SF3A3: variants seen among roughly 807,000 people sequenced by gnomAD.
The protein encoded by SF3A3 is splicing factor 3a subunit 3, also known as SAP 61.
A neutral mutation model predicts 85.8 loss-of-function variants in SF3A3; 9 were observed. The observed-to-expected ratio is 0.10, with a 90% CI of 0.06 to 0.18. The LOEUF (loss-of-function observed/expected upper bound fraction) is 0.18, where lower values mean the gene tolerates loss of function less well. Ranked by LOEUF, SF3A3 falls within the 10% of genes least tolerant of loss-of-function variation. The pLI, the probability that SF3A3 is intolerant of heterozygous loss-of-function variation, is 1.00. For missense variants in SF3A3, 306 were observed against 593.3 expected (o/e 0.52, Z 5.03); for synonymous variants, 195 against 204.4 (o/e 0.95, Z 0.39).
chr1:37,966,236 TAAATTA>T (rs1166445668), intron 15 of SF3A3, among the ~76,000 whole-genome samples: 2 of 125,332 alleles, frequency 1.6e-5, no homozygotes, highest in African/African-American at 5.3e-5. Context: ...TTAATTAAAT[TAAATTA>T]AAAAAAAAGA....
intron 4 of SF3A3, among the ~76,000 whole-genome samples, chr1:37,986,778 C>T (rs1646460081): frequency 7.9e-6 from 1 of 126,746 alleles, no homozygotes; most frequent in South Asian, 2.6e-4. Context: ...TGCCACTGCA[C>T]TCCAGCCTGG....
chr1:37,975,785 A>G (rs1646375388), intron 12 of SF3A3, among the ~76,000 whole-genome samples: 1 of 152,248 alleles, frequency 6.6e-6, no homozygotes, highest in African/African-American at 2.4e-5. Flanking sequence ...ATTAACAAAA[A>G]TATGTGAACA....
intron 2 of SF3A3, among the ~76,000 whole-genome samples, chr1:37,988,543 C>T (rs1022610440): frequency 6.6e-6 from 1 of 152,054 alleles, no homozygotes; most frequent in African/African-American, 2.4e-5. Context: ...GATTTTGACA[C>T]CAAATAATCA....
intron 14 of SF3A3, among the ~76,000 whole-genome samples, chr1:37,968,437 A>G (rs997719620): frequency 9.9e-5 from 15 of 152,114 alleles, no homozygotes; most frequent in Admixed American, 9.2e-4. Flanking sequence ...CTCTCACTAC[A>G]TCTCCCATAT....
chr1:37,962,918 TCTA>T (rs1646272216), intron 15 of SF3A3, among the ~76,000 whole-genome samples: 1 of 151,534 alleles, frequency 6.6e-6, no homozygotes, highest in Non-Finnish European at 1.5e-5. Context: ...AAACCCCACC[TCTA>T]CTAAAACACA....
chr1:37,981,422 A>AT (rs942479778), intron 7 of SF3A3, among the ~76,000 whole-genome samples: 11 of 152,106 alleles, frequency 7.2e-5, no homozygotes, highest in African/African-American at 2.7e-4. Flanking sequence ...AGAAAGTCTA[A>AT]TTTTTTTTCC....
intron 16 of SF3A3, 29 bp downstream of exon 16, chr1:37,960,091 T>A: frequency 2.5e-6 from 4 of 1,598,870 alleles, no homozygotes; most frequent in Non-Finnish European, 3.4e-6. Context: ...CTTGACACTA[T>A]CCCTAACACC....
chr1:37,989,815 A>C, intron 1 of SF3A3, 55 bp downstream of exon 1: 1 of 1,448,556 alleles, frequency 6.9e-7, no homozygotes, highest in South Asian at 1.1e-5. Flanking sequence ...TCAGAGGTCA[A>C]ACACGGGATA....
At chr1:37,965,332 A>C (rs994797895) in intron 15 of SF3A3, among the ~76,000 whole-genome samples, 1 of 98,038 alleles carries the variant, frequency 1.0e-5, no homozygotes, top group African/African-American at 4.4e-5. Context: ...AAATAAACTC[A>C]GAATAGTTTT....
intron 9 of SF3A3, 193 bp downstream of exon 9, chr1:37,979,272 G>A (rs945627933): frequency 4.8e-6 from 3 of 622,620 alleles, no homozygotes; most frequent in African/African-American, 1.9e-5. Context: ...ACGGCTTAAT[G>A]TAGTTAGAAT....
intron 15 of SF3A3, among the ~76,000 whole-genome samples, chr1:37,965,095 T>A (rs1361445095): frequency 6.6e-6 from 1 of 151,856 alleles, no homozygotes; most frequent in South Asian, 2.1e-4. Context: ...GAGGCGAAGG[T>A]TGCAGTGAGC....
rs201942529 is a variant in SF3A3, at chr1:37,969,478, A to G, written c.1171-14T>C. On this transcript the variant is annotated splice_polypyrimidine_tract_variant and intron_variant, in intron 13 of 16. Coordinates refer to ENST00000373019, the MANE Select transcript of SF3A3 (RefSeq NM_006802.4). ...GTAGGGAATAGGCTAAAAAAGAAAA[A>G]AACAAAACAAAACCAAGAAGTGTTA... is the stretch of plus-strand genomic sequence containing the variant. 6.2e-7 allele frequency: 1 copy of G among 1,613,172 alleles called. No homozygotes were observed.
chr1:37,974,548 C>T (rs989139344), intron 12 of SF3A3, among the ~76,000 whole-genome samples: 7 of 152,176 alleles, frequency 4.6e-5, no homozygotes, highest in African/African-American at 1.4e-4. Flanking sequence ...GTGATCTGCC[C>T]GCCTTGGCCT....
chr1:37,985,120 T>C (rs1440889904), intron 4 of SF3A3, among the ~76,000 whole-genome samples: 1 of 152,216 alleles, frequency 6.6e-6, no homozygotes, highest in African/African-American at 2.4e-5. Context: ...AGGCGGATTT[T>C]TCAATGTAAA....
chr1:37,981,635 C>T (rs1646419586), intron 7 of SF3A3, 94 bp downstream of exon 7: 4 of 797,330 alleles, frequency 5.0e-6, no homozygotes, highest in African/African-American at 3.4e-5. Flanking sequence ...TTCATGTATG[C>T]CTTCCAGGCA....
chr1:37,988,879 G>GTATA (rs67489095), intron 2 of SF3A3, among the ~76,000 whole-genome samples: 9 of 144,354 alleles, frequency 6.2e-5, no homozygotes, highest in African/African-American at 2.4e-4. Context: ...GTGTGTGTGT[G>GTATA]TATATATATA....
intron 10 of SF3A3, 79 bp downstream of exon 10, chr1:37,978,909 A>G (rs1246987677): frequency 2.2e-5 from 35 of 1,559,124 alleles, no homozygotes; most frequent in Non-Finnish European, 2.7e-5. Context: ...AGCAACAAAA[A>G]AAATGGAATC....
chr1:37,977,381 T>C (rs369868355), intron 11 of SF3A3, among the ~76,000 whole-genome samples: 1 of 152,142 alleles, frequency 6.6e-6, no homozygotes, highest in Non-Finnish European at 1.5e-5. Flanking sequence ...TTCTGGGTTG[T>C]TGTGAGAATT....
intron 16 of SF3A3, among the ~76,000 whole-genome samples, 194 bp from the exon 17 acceptor site, chr1:37,958,457 G>A (rs980362467): frequency 3.9e-5 from 6 of 152,154 alleles, no homozygotes; most frequent in Middle Eastern, 3.2e-3. Context: ...AGCAGCCACC[G>A]TGTGCAATGA....
Sources: gnomAD v4.1 joint callset for allele counts (sites outside exome capture counted in the v4.1 genomes callset) on GRCh38, gnomAD v4.1.1 for gene constraint, MANE v1.5 for transcripts, NCBI Gene and HGNC (gene_info 2026-07-23, HGNC 2026-07-21) for gene names.